The following BBOF1 variants were observed in gnomAD, a reference collection of about 807,000 sequenced individuals.
BBOF1 encodes basal body-orientation factor 1.
BBOF1 carries 62 observed loss-of-function variants against 68.0 expected under a neutral mutation model. The observed-to-expected ratio is 0.91, with a 90% CI of 0.74 to 1.13. The LOEUF (loss-of-function observed/expected upper bound fraction) is 1.13, where lower values mean the gene tolerates loss of function less well. BBOF1 is among the 50% of genes most tolerant of loss of function. The pLI is 0.00. For missense variants in BBOF1, 534 were observed against 600.1 expected (o/e 0.89, Z 1.15); for synonymous variants, 208 against 198.8 (o/e 1.05, Z -0.39).
At chr14:74,051,919 T>C (rs2060075656) in intron 8 of BBOF1, among the ~76,000 whole-genome samples, 1 of 151,664 alleles carries the variant, frequency 6.6e-6, no homozygotes, top group Admixed American at 6.6e-5. Context: ...TTAAATTATT[T>C]TTAAAGGACT....
chr14:74,024,808 G>A (rs2059388477), intron 2 of BBOF1, among the ~76,000 whole-genome samples: 4 of 151,958 alleles, frequency 2.6e-5, no homozygotes, highest in Admixed American at 6.6e-5. Context: ...TCGCCATGTC[G>A]CCCAGGCTAG....
downstream of BBOF1, among the ~76,000 whole-genome samples, chr14:74,068,391 A>G (rs1235730680): frequency 1.3e-5 from 2 of 151,258 alleles, no homozygotes; most frequent in Non-Finnish European, 2.9e-5. Flanking sequence ...AAAAAAAGAA[A>G]AAAAGTGATT....
downstream of BBOF1, chr14:74,069,228 C>T: frequency 2.5e-6 from 1 of 398,060 alleles, no homozygotes; most frequent in Non-Finnish European, 4.7e-6. Context: ...CTCAGCCTCC[C>T]AAGCAGCTGG....
At chr14:74,032,117 G>GGTTT (rs2059583409) in intron 3 of BBOF1, among the ~76,000 whole-genome samples, 1 of 128,274 alleles carries the variant, frequency 7.8e-6, no homozygotes, top group African/African-American at 2.9e-5. Context: ...TCTCAAAGTT[G>GGTTT]ATTTTTTTTT....
In BBOF1 at chr14:74,019,551, C is replaced by G; in HGVS notation, c.56+17C>G. On this transcript the variant is annotated intron_variant, in intron 1 of 11. Transcript: ENST00000394009. The stretch of plus-strand genomic sequence containing the variant: ...AGACACGAAGTAAGGAGAAGCCACC[C>G]GAGAGTCCCCTCTCCCTGGGCCTGC... 6.3e-7 allele frequency: 1 copy of G among 1,584,028 alleles called. No homozygotes were observed. Among genetic ancestry groups the G allele is most frequent in the Non-Finnish European group, 8.6e-7 (1 of 1,165,458 alleles).
intron 3 of BBOF1, among the ~76,000 whole-genome samples, chr14:74,030,670 T>C (rs960283475): frequency 1.3e-5 from 2 of 151,964 alleles, no homozygotes; most frequent in Non-Finnish European, 2.9e-5. Flanking sequence ...TAATTTTTTG[T>C]ATTTTTAGTA....
chr14:74,056,509 T>C (rs1238426803), intron 9 of BBOF1, among the ~76,000 whole-genome samples: 1 of 151,976 alleles, frequency 6.6e-6, no homozygotes, highest in Non-Finnish European at 1.5e-5. Flanking sequence ...CCTAATTTTG[T>C]ATTTTTAGTA....
intron 9 of BBOF1, chr14:74,071,445 C>T (rs2139790209): frequency 6.2e-7 from 1 of 1,614,172 alleles, no homozygotes; most frequent in Non-Finnish European, 8.5e-7. Flanking sequence ...TGATGGATGG[C>T]ATGGTCTCTC....
intron 3 of BBOF1, among the ~76,000 whole-genome samples, chr14:74,031,307 C>T (rs943499197): frequency 1.3e-5 from 2 of 151,884 alleles, no homozygotes; most frequent in Non-Finnish European, 2.9e-5. Context: ...GAGATGGGGT[C>T]TCCCTGTGTT....
chr14:74,079,407 C>T (rs945149513), intron 10 of BBOF1, among the ~76,000 whole-genome samples: 1 of 150,868 alleles, frequency 6.6e-6, no homozygotes, highest in Non-Finnish European at 1.5e-5. Context: ...CCACCACACC[C>T]GGCTAATTTT....
At chr14:74,081,457 GT>G (rs1158930933) in intron 12 of BBOF1, among the ~76,000 whole-genome samples, 1 of 152,146 alleles carries the variant, frequency 6.6e-6, no homozygotes, top group Non-Finnish European at 1.5e-5. Context: ...TTAAGAGGAT[GT>G]AAAAAGCACT....
chr14:74,025,001 T>C (rs1040551143), intron 2 of BBOF1, among the ~76,000 whole-genome samples: 3 of 152,024 alleles, frequency 2.0e-5, no homozygotes, highest in East Asian at 1.9e-4. Context: ...CTCCTGGCCT[T>C]GAGTGATCCG....
intron 9 of BBOF1, among the ~76,000 whole-genome samples, chr14:74,077,388 A>G (rs1247405748): frequency 6.6e-6 from 1 of 152,148 alleles, no homozygotes; most frequent in Non-Finnish European, 1.5e-5. Flanking sequence ...AAAATACCTG[A>G]GACTGGGCAA....
chr14:74,072,387 G>T, intron 9 of BBOF1: 1 of 1,614,018 alleles, frequency 6.2e-7, no homozygotes, highest in South Asian at 1.1e-5. Context: ...ATAAGCACAT[G>T]ATCCTTTGCC....
chr14:74,036,700 A>AG (rs2059707675), intron 4 of BBOF1, among the ~76,000 whole-genome samples: 2 of 150,868 alleles, frequency 1.3e-5, no homozygotes, highest in Non-Finnish European at 3.0e-5. Flanking sequence ...AAAAAAAAAA[A>AG]AGCTGTCTTT....
intron 11 of BBOF1, chr14:74,059,496 G>T (rs2060292546): frequency 2.6e-6 from 1 of 391,836 alleles, no homozygotes; most frequent in African/African-American, 2.1e-5. Flanking sequence ...AGGAGTTCGA[G>T]ACCAGCCTGA....
rs2059551247 is a variant in BBOF1 at position 74,030,889 on chromosome 14, C to G, written c.351+1640C>G. On this transcript the variant is annotated intron_variant, in intron 3 of 11. Coordinates refer to ENST00000394009, the MANE Select transcript of BBOF1 (RefSeq NM_025057.3). ...AAAAAGGTTGCTTAAAAAATTGTTTCCTTATCAGAAAAGCTAAAAAAAAGT... is the reference window on the plus strand; with the variant it reads ...AAAAAGGTTGCTTAAAAAATTGTTTGCTTATCAGAAAAGCTAAAAAAAAGT... Among the ~76,000 whole-genome samples the G allele has an allele frequency of 2.0e-5, 3 of 149,688 alleles. No individual in the cohort carries two copies. In the South Asian group the frequency reaches 6.3e-4, roughly 31 times the overall value.
At chr14:74,040,277 C>T (rs2059803185) in intron 4 of BBOF1, among the ~76,000 whole-genome samples, 1 of 152,206 alleles carries the variant, frequency 6.6e-6, no homozygotes, top group Non-Finnish European at 1.5e-5. Context: ...GTGTGAGCCA[C>T]CGTGCTCAGC....
At chr14:74,034,268 G>T in intron 4 of BBOF1, 97 bp downstream of exon 4, 1 of 768,346 alleles carries the variant, frequency 1.3e-6, no homozygotes, top group Non-Finnish European at 1.9e-6. Flanking sequence ...AGACGGCAAA[G>T]AACTCTCTTT....
Sources: gnomAD v4.1 joint callset for allele counts (sites outside exome capture counted in the v4.1 genomes callset) on GRCh38, gnomAD v4.1.1 for gene constraint, MANE v1.5 for transcripts, NCBI Gene and HGNC (gene_info 2026-07-23, HGNC 2026-07-21) for gene names.